SLC6A16: variants seen among roughly 807,000 people sequenced by gnomAD.
The protein encoded by SLC6A16 is orphan sodium- and chloride-dependent neurotransmitter transporter NTT5.
Under a neutral mutation model 65.4 loss-of-function variants are expected in SLC6A16, and 54 were observed. The ratio of observed to expected loss-of-function variants is 0.83; its 90% CI spans 0.66 to 1.04. The LOEUF is 1.04. Among genes scored for constraint, SLC6A16 ranks in the 50% least tolerant of loss-of-function variants. SLC6A16 has a pLI of 0.00. For synonymous variants in SLC6A16, 330 were observed against 346.5 expected, an observed-to-expected ratio of 0.95 and a Z score of 0.53; for missense variants, 816 against 914.0, an observed-to-expected ratio of 0.89 and a Z score of 1.38.
the SLC6A16 span, chr19:49,339,326 C>T: frequency 9.3e-5 from 150 of 1,613,576 alleles, 1 homozygote; most frequent in East Asian, 6.9e-4. This position sits in a 1 kb window ranked among gnomAD's most constrained non-coding sequence, Gnocchi z 4.5. Context: ...CCTACACCCC[C>T]CAGGGCTGCG....
the SLC6A16 span, among the ~76,000 whole-genome samples, chr19:49,333,962 G>A: frequency 5.9e-5 from 9 of 152,294 alleles, no homozygotes; most frequent in Admixed American, 3.9e-4. Context: ...TCCGCTCCTC[G>A]GGCCCCACTG....
chr19:49,300,434 T>G (rs1600619501), intron 7 of SLC6A16, among the ~76,000 whole-genome samples: 1 of 152,218 alleles, frequency 6.6e-6, no homozygotes, highest in South Asian at 2.1e-4. Context: ...TGAAAGACAG[T>G]GAAGTACTGA....
intron 1 of SLC6A16, among the ~76,000 whole-genome samples, chr19:49,315,587 G>A (rs758889804): frequency 4.6e-5 from 7 of 152,092 alleles, no homozygotes; most frequent in African/African-American, 1.7e-4. Context: ...TGTAAGCTTC[G>A]TGGTAACTAC....
At chr19:49,314,778 A>C (rs1335608156) in intron 1 of SLC6A16, among the ~76,000 whole-genome samples, 1 of 152,252 alleles carries the variant, frequency 6.6e-6, no homozygotes, top group Non-Finnish European at 1.5e-5. Context: ...AATCGTGAGG[A>C]AACACCAGAA....
intron 10 of SLC6A16, 175 bp downstream of exon 10, chr19:49,293,048 T>C: frequency 1.7e-6 from 1 of 579,652 alleles, no homozygotes; most frequent in Non-Finnish European, 3.0e-6. Flanking sequence ...CTGGCACATA[T>C]TCAGCACCCA....
intron 7 of SLC6A16, among the ~76,000 whole-genome samples, chr19:49,295,048 C>T (rs1388103878): frequency 6.6e-6 from 1 of 152,096 alleles, no homozygotes; most frequent in Non-Finnish European, 1.5e-5. Flanking sequence ...ATTCCATGTT[C>T]TGGCCAGATT....
the SLC6A16 span, among the ~76,000 whole-genome samples, chr19:49,330,694 G>A: frequency 6.6e-6 from 1 of 152,082 alleles, no homozygotes; most frequent in Non-Finnish European, 1.5e-5. Context: ...GTAATCCCAG[G>A]ACTTTGGGAG....
chr19:49,339,811 G>T, the SLC6A16 span: 1 of 1,352,600 alleles, frequency 7.4e-7, no homozygotes, highest in South Asian at 1.7e-5. The surrounding 1 kb of genome is among the most constrained non-coding windows in gnomAD (Gnocchi z 4.5). Context: ...GGGTGGCTGG[G>T]GCATGGCGGG....
At chr19:49,309,263 T>C in intron 6 of SLC6A16, 38 bp downstream of exon 6, 1 of 1,582,462 alleles carries the variant, frequency 6.3e-7, no homozygotes. Flanking sequence ...TGTGGTGCCC[T>C]ACAAGGCCTG....
At chr19:49,324,234 G>A (rs995431931) in intron 1 of SLC6A16, among the ~76,000 whole-genome samples, 2 of 152,070 alleles carry the variant, frequency 1.3e-5, no homozygotes, top group Admixed American at 1.3e-4. Context: ...GGGAGGCTGA[G>A]GCAGGAGAAT....
At position 49,296,931 on chromosome 19, in the gene SLC6A16, G is replaced by A. The variant is rs376904082; in HGVS notation, c.1230-2378C>T. Reference sequence around the variant, plus strand: ...TTGAGCCTGGGAGGCAGAGGCTGCAGTGAGCCAAGATCGTGCCACTGCACT... The same window carrying A: ...TTGAGCCTGGGAGGCAGAGGCTGCAATGAGCCAAGATCGTGCCACTGCACT... On this transcript the variant is annotated intron_variant, in intron 7 of 11. Coordinates refer to ENST00000335875, the MANE Select transcript of SLC6A16 (RefSeq NM_014037.3). Among the ~76,000 whole-genome samples, 43 of 152,296 alleles carry A rather than the reference G, an allele frequency of 2.8e-4. No individual in the cohort carries two copies. The East Asian group carries it at 7.1e-3, about 25-fold the overall frequency.
At chr19:49,312,833 A>T (rs1970546699) in intron 1 of SLC6A16, among the ~76,000 whole-genome samples, 1 of 152,206 alleles carries the variant, frequency 6.6e-6, no homozygotes, top group South Asian at 2.1e-4. Context: ...GGTTAAAAAC[A>T]TAAGACTAAG....
At chr19:49,329,734 A>G (rs139448517), upstream of SLC6A16, among the ~76,000 whole-genome samples, 3,276 of 141,496 alleles carry the variant, frequency 0.023, 120 homozygotes, top group African/African-American at 0.075. Context: ...CCAGGTTCAC[A>G]CCATTCTCCT....
intron 4 of SLC6A16, 69 bp from the exon 5 acceptor site, chr19:49,309,895 C>T (rs1304185228): frequency 6.4e-7 from 1 of 1,561,914 alleles, no homozygotes; most frequent in South Asian, 1.2e-5. Flanking sequence ...TCCCCTCCCC[C>T]ACCTCCCTTT....
In SLC6A16 at chr19:49,290,366, T is replaced by C; in HGVS notation, c.1968A>G (p.Pro656=). 1 of 1,613,546 alleles carries C rather than the reference T, an allele frequency of 6.2e-7. No individual in the cohort carries two copies. The highest frequency in any genetic ancestry group is 8.5e-7 in the Non-Finnish European group (1 of 1,179,794). The change falls in exon 12 of 12, where the codon CCA becomes CCG. Residue 656 remains proline, a synonymous_variant. Coordinates refer to ENST00000335875, the MANE Select transcript of SLC6A16 (RefSeq NM_014037.3). ...TGATCATCAAGAGCAGTGCCCACGGTGGGTATGGTCGAAGCACCTCTTTTG... is the reference window on the plus strand; with the variant it reads ...TGATCATCAAGAGCAGTGCCCACGGCGGGTATGGTCGAAGCACCTCTTTTG... ...STSKEVLRPY[P]PWALLLMITL... is the part of the protein sequence containing the mutation.
At chr19:49,337,568 GC>G in the SLC6A16 span, 32 of 1,214,346 alleles carry the variant, frequency 2.6e-5, no homozygotes, top group Non-Finnish European at 3.4e-5. Context: ...GCTACAGTGA[GC>G]CATGCACTCA....
the SLC6A16 span, among the ~76,000 whole-genome samples, chr19:49,334,749 C>T: frequency 3.4e-3 from 516 of 151,820 alleles, 17 homozygotes; most frequent in East Asian, 0.073. Flanking sequence ...AAAAATTAGC[C>T]AGGCATGGTA....
chr19:49,297,564 G>A (rs1388659956), intron 7 of SLC6A16, among the ~76,000 whole-genome samples: 1 of 152,132 alleles, frequency 6.6e-6, no homozygotes, highest in Non-Finnish European at 1.5e-5. Context: ...GTAACCCAGT[G>A]ACCCAATGAT....
rs915726685 is a variant in SLC6A16 at position 49,293,837 on chromosome 19, C to T, written c.1608G>A (p.Lys536=). Reference sequence around the variant, plus strand: ...CCTAGGTCAGAGTACCTATGAGCAGCTTTGTATGTTTCCTGAAGAAAGAGA... The same window carrying T: ...CCTAGGTCAGAGTACCTATGAGCAGTTTTGTATGTTTCCTGAAGAAAGAGA... The part of the protein sequence containing the change: ...DTFSFFRKHT[K]LLIVGVFLLM... The change falls in exon 9 of 12, where the codon AAG becomes AAA. Residue 536 remains lysine (K), a synonymous_variant. Coordinates refer to ENST00000335875, the MANE Select transcript of SLC6A16 (RefSeq NM_014037.3). 6.8e-6 allele frequency: 11 copies of T among 1,613,918 alleles called. No homozygotes were observed. Among genetic ancestry groups the T allele is most frequent in the East Asian group, 2.2e-5 (1 of 44,860 alleles).
Sources: allele counts gnomAD v4.1 joint callset (sites outside exome capture counted in the v4.1 genomes callset), GRCh38; gene constraint gnomAD v4.1.1; non-coding constraint Gnocchi (gnomAD v3.1); transcripts MANE v1.5; gene names NCBI Gene and HGNC (gene_info 2026-07-23, HGNC 2026-07-21).